The following ABL1 variants were observed in gnomAD, a reference collection of about 807,000 sequenced individuals.
The protein encoded by ABL1 is tyrosine-protein kinase ABL1.
A neutral mutation model predicts 94.7 loss-of-function variants in ABL1; 11 were observed. The observed-to-expected ratio is 0.12, with a 90% CI of 0.07 to 0.19. The LOEUF (loss-of-function observed/expected upper bound fraction) is 0.19. ABL1 is among the 10% of genes least tolerant of loss of function. The pLI, the probability that ABL1 is intolerant of heterozygous loss-of-function variation, is 1.00. For synonymous variants in ABL1, 656 were observed against 622.4 expected (o/e 1.05, Z -0.80); for missense variants, 1,082 against 1,489.4 (o/e 0.73, Z 4.50).
chr9:130,790,171 A>G (rs1221866980), intron 1 of ABL1, among the ~76,000 whole-genome samples: 1 of 152,242 alleles, frequency 6.6e-6, no homozygotes, highest in African/African-American at 2.4e-5. Context: ...ACCTTGACAA[A>G]TATGTCTCTC....
intron 1 of ABL1, among the ~76,000 whole-genome samples, chr9:130,838,276 T>G (rs1187368669): frequency 5.0e-5 from 6 of 119,306 alleles, no homozygotes; most frequent in Admixed American, 2.5e-4. Context: ...TCTACTGATG[T>G]CTCTTTTGGA....
At chr9:130,792,123 A>T (rs527549121) in intron 1 of ABL1, among the ~76,000 whole-genome samples, 2 of 152,060 alleles carry the variant, frequency 1.3e-5, no homozygotes, top group Non-Finnish European at 2.9e-5. Context: ...TTAACGACAG[A>T]ATTTCATTTT....
chr9:130,747,871 CT>C (rs1446728023), intron 1 of ABL1, among the ~76,000 whole-genome samples: 4 of 152,188 alleles, frequency 2.6e-5, no homozygotes, highest in African/African-American at 9.7e-5. Flanking sequence ...ACTGGCATAT[CT>C]TTTGGAGGCC....
intron 1 of ABL1, chr9:130,714,608 T>A: frequency 1.9e-6 from 2 of 1,065,966 alleles, no homozygotes; most frequent in Non-Finnish European, 1.4e-6. Context: ...ACTTTCTTTG[T>A]ATAAGAAAAA....
At chr9:130,718,671 A>G (rs551958095) in intron 1 of ABL1, among the ~76,000 whole-genome samples, 1 of 152,148 alleles carries the variant, frequency 6.6e-6, no homozygotes, top group Non-Finnish European at 1.5e-5. Context: ...GCTTGAGCCC[A>G]GGAGTTCAAG....
chr9:130,883,917 T>C (rs1255440001), intron 10 of ABL1, 52 bp from the exon 11 acceptor site: 15 of 1,547,070 alleles, frequency 9.7e-6, no homozygotes, highest in Middle Eastern at 1.7e-4. Flanking sequence ...GATTCTCCTC[T>C]GTCAGCCTCT....
chr9:130,848,496 C>T (rs1016970902), intron 1 of ABL1, among the ~76,000 whole-genome samples: 6 of 134,692 alleles, frequency 4.5e-5, no homozygotes, highest in Admixed American at 1.6e-4. Context: ...TCAGCCTGGG[C>T]GATGGAGTGA....
At chr9:130,867,193 C>T (rs1428619042) in intron 4 of ABL1, among the ~76,000 whole-genome samples, 2 of 152,162 alleles carry the variant, frequency 1.3e-5, no homozygotes, top group Non-Finnish European at 2.9e-5. Context: ...GTCCCACCCT[C>T]GAGTTCTGTG....
intron 1 of ABL1, among the ~76,000 whole-genome samples, chr9:130,787,791 C>T (rs1829850640): frequency 2.0e-5 from 3 of 152,172 alleles, no homozygotes; most frequent in African/African-American, 7.2e-5. Context: ...GAGATGTTTT[C>T]CCGTCACCTG....
chr9:130,872,768 T>A lies in ABL1; in HGVS notation c.908-92T>A. The A allele has an allele frequency of 7.4e-7, 1 of 1,356,616 alleles. No individual in the cohort carries two copies. Among genetic ancestry groups the A allele is most frequent in the Admixed American group, 2.1e-5 (1 of 47,562 alleles). 84.0% of individuals were successfully genotyped at this position (1,356,616 alleles called of 1,614,324 possible). ...TTGGGCCCAGGACTGAGGAGCAGAG[T>A]CAGAATCCTTCAGAAGGCTTTTTCT... On this transcript the variant is annotated intron_variant, in intron 5 of 10. Coordinates refer to ENST00000318560, the MANE Select transcript of ABL1 (RefSeq NM_005157.6). This position sits in a 1 kb window ranked among gnomAD's most constrained non-coding sequence, Gnocchi z 5.0.
At chr9:130,855,328 G>A (rs1444718891) in intron 3 of ABL1, among the ~76,000 whole-genome samples, 1 of 152,084 alleles carries the variant, frequency 6.6e-6, no homozygotes, top group African/African-American at 2.4e-5. Context: ...CTAGAGTTTT[G>A]TTGTTAGCAA....
In ABL1 at chr9:130,883,989, G is replaced by A. The variant is rs2133034490; in HGVS notation, c.1699G>A (p.Ala567Thr). ...TTCAGATCCTCTGGACCATGAGCCTGCCGTGTCTCCATTGCTCCCTCGAAA... is the reference window on the plus strand; with the variant it reads ...TTCAGATCCTCTGGACCATGAGCCTACCGTGTCTCCATTGCTCCCTCGAAA... ...GESDPLDHEP[A>T]VSPLLPRKER... The change falls in exon 11 of 11, where the codon GCC (alanine) becomes ACC (threonine). Residue 567 changes from alanine to threonine, a missense_variant. Ala to Thr is a moderately conservative substitution (Grantham distance 58, BLOSUM62 0). Transcript: ENST00000318560. 6.2e-7 allele frequency: 1 copy of A among 1,612,898 alleles called. No homozygotes were observed. The highest frequency in any genetic ancestry group is 8.5e-7 in the Non-Finnish European group (1 of 1,179,698).
At chr9:130,724,579 A>G (rs1001313578) in intron 1 of ABL1, among the ~76,000 whole-genome samples, 1 of 151,602 alleles carries the variant, frequency 6.6e-6, no homozygotes, top group African/African-American at 2.4e-5. Context: ...GGAGGCCAAG[A>G]TGGGCGGATC....
chr9:130,846,674 A>C (rs1039129384), intron 1 of ABL1, among the ~76,000 whole-genome samples: 1 of 152,118 alleles, frequency 6.6e-6, no homozygotes, highest in African/African-American at 2.4e-5. Context: ...CTTCCCGGGG[A>C]TGTTTTTCCT....
chr9:130,722,960 A>G (rs1310224621), intron 1 of ABL1, among the ~76,000 whole-genome samples: 1 of 152,224 alleles, frequency 6.6e-6, no homozygotes, highest in Non-Finnish European at 1.5e-5. Context: ...GTGTGAACAC[A>G]CTGATGTGTT....
chr9:130,724,144 TTGTC>T (rs1831549714), intron 1 of ABL1, among the ~76,000 whole-genome samples: 1 of 148,858 alleles, frequency 6.7e-6, no homozygotes, highest in South Asian at 2.2e-4. Context: ...AGGTCTTGCT[TTGTC>T]GCCCAGGCTG....
intron 1 of ABL1, among the ~76,000 whole-genome samples, chr9:130,789,521 GACAT>G (rs1829875615): frequency 7.3e-6 from 1 of 136,386 alleles, no homozygotes; most frequent in Admixed American, 7.0e-5. Flanking sequence ...ACCAAAAAAG[GACAT>G]ACACACACAC....
At chr9:130,812,197 C>T (rs143642177) in intron 1 of ABL1, among the ~76,000 whole-genome samples, 2 of 109,974 alleles carry the variant, frequency 1.8e-5, no homozygotes, top group African/African-American at 3.8e-5. Context: ...GACTCCATCT[C>T]TACAAAAAAA....
At chr9:130,832,329 C>CA (rs35298043), upstream of ABL1, among the ~76,000 whole-genome samples, 11,484 of 131,848 alleles carry the variant, frequency 0.087, 854 homozygotes, top group African/African-American at 0.21. Context: ...TTCACCATCT[C>CA]AAAAAAAAAA....
Sources: gnomAD v4.1 joint callset for allele counts (sites outside exome capture counted in the v4.1 genomes callset) on GRCh38, gnomAD v4.1.1 for gene constraint, Gnocchi (gnomAD v3.1) non-coding constraint, MANE v1.5 for transcripts, NCBI Gene and HGNC (gene_info 2026-07-23, HGNC 2026-07-21) for gene names.